LONRF2: variants seen among roughly 807,000 people sequenced by gnomAD.
LONRF2 encodes LON peptidase N-terminal domain and RING finger protein 2.
A neutral mutation model predicts 66.6 loss-of-function variants in LONRF2; 35 were observed. That is an observed-to-expected ratio of 0.53 (90% CI 0.40 to 0.70). The LOEUF (loss-of-function observed/expected upper bound fraction) is 0.70, where lower values mean the gene tolerates loss of function less well. Ranked by LOEUF, LONRF2 falls within the 30% of genes least tolerant of loss-of-function variation. LONRF2 has a pLI of 0.00. For missense variants in LONRF2, 902 were observed against 1,002.1 expected (o/e 0.90, Z 1.35); for synonymous variants, 417 against 418.1 (o/e 1.00, Z 0.03).
intron 9 of LONRF2, among the ~76,000 whole-genome samples, chr2:100,293,361 G>A (rs1286592576): frequency 6.6e-6 from 1 of 152,166 alleles, no homozygotes; most frequent in Admixed American, 6.5e-5. Flanking sequence ...ATTCTGAGTG[G>A]CCCTAAAAAT....
chr2:100,322,226 G>T lies in LONRF2; in HGVS notation c.-133C>A. On this transcript the variant is annotated 5_prime_UTR_variant, in exon 1 of 12. Coordinates refer to ENST00000393437, the MANE Select transcript of LONRF2 (RefSeq NM_198461.4). ...AGCCACGCGCGTCTGGGGGCGGCGCGCTGCGAGCGGCTGAGACCGCGGGCG... is the reference window on the plus strand; with the variant it reads ...AGCCACGCGCGTCTGGGGGCGGCGCTCTGCGAGCGGCTGAGACCGCGGGCG... The T allele has an allele frequency of 2.1e-6, 2 of 940,646 alleles. No individual in the cohort carries two copies. Among genetic ancestry groups the T allele is most frequent in the Non-Finnish European group, 2.7e-6 (2 of 734,370 alleles). 58.3% of individuals were successfully genotyped at this position (940,646 alleles called of 1,614,324 possible).
chr2:100,285,458 C>A (rs1674825516), intron 11 of LONRF2, among the ~76,000 whole-genome samples: 1 of 152,166 alleles, frequency 6.6e-6, no homozygotes, highest in Non-Finnish European at 1.5e-5. Context: ...GGAAGGACCT[C>A]ATATAAAAAT....
At chr2:100,298,794 T>G in intron 7 of LONRF2, 42 bp downstream of exon 7, 270 of 1,427,816 alleles carry the variant, frequency 1.9e-4, no homozygotes, top group Non-Finnish European at 2.4e-4. Flanking sequence ...CACCAAGGGA[T>G]GAGAGGAGGA....
intron 2 of LONRF2, among the ~76,000 whole-genome samples, chr2:100,306,352 C>T (rs888945041): frequency 6.6e-5 from 10 of 152,194 alleles, no homozygotes; most frequent in East Asian, 1.9e-4. Context: ...CTGTCTTATA[C>T]GCACAAAGAA....
intron 10 of LONRF2, among the ~76,000 whole-genome samples, chr2:100,289,590 C>A (rs1182239298): frequency 7.2e-6 from 1 of 138,466 alleles, no homozygotes; most frequent in Non-Finnish European, 1.6e-5. Flanking sequence ...TGCCCGCCAC[C>A]ACACATGGTT....
intron 1 of LONRF2, among the ~76,000 whole-genome samples, chr2:100,314,860 A>G (rs371905225): frequency 1.9e-3 from 287 of 152,314 alleles, no homozygotes; most frequent in African/African-American, 6.7e-3. Context: ...TTTTAAGCCA[A>G]TACAATGCTG....
rs1674758199 is a variant in LONRF2, at chr2:100,282,408, A to G, written c.*1890T>C. ...GCATTGATAACTATTCAGCTGTGAT[A>G]TGAAGGTACAAAAAAATTTTCCAAA... On this transcript the variant is annotated 3_prime_UTR_variant, in exon 12 of 12. Transcript: ENST00000393437. 1 of 152,248 alleles carries G rather than the reference A, an allele frequency of 6.6e-6. No homozygotes were observed. The highest frequency in any genetic ancestry group is 6.5e-5 in the Admixed American group (1 of 15,292). 9.4% of individuals were successfully genotyped at this position (152,248 alleles called of 1,614,324 possible).
At chr2:100,306,128 G>T (rs1675285941) in intron 2 of LONRF2, among the ~76,000 whole-genome samples, 1 of 151,892 alleles carries the variant, frequency 6.6e-6, no homozygotes, top group Admixed American at 6.6e-5. Flanking sequence ...TGGCCAGGCT[G>T]GTCTTGAACT....
intron 1 of LONRF2, among the ~76,000 whole-genome samples, chr2:100,313,330 A>T (rs1675444998): frequency 6.6e-6 from 1 of 152,154 alleles, no homozygotes; most frequent in African/African-American, 2.4e-5. Flanking sequence ...CCCCATCTCT[A>T]CTAAAAGTAA....
intron 3 of LONRF2, 58 bp from the exon 4 acceptor site, chr2:100,300,845 T>C (rs1573118165): frequency 1.5e-6 from 2 of 1,364,220 alleles, no homozygotes; most frequent in Non-Finnish European, 1.9e-6. Flanking sequence ...TGTAAAAATA[T>C]AGTATGTCTT....
rs1674523544 is a variant in LONRF2 at position 100,272,632 on chromosome 2, T to TAC, written c.*11665_*11666insGT. Among the ~76,000 whole-genome samples the TAC allele has an allele frequency of 1.3e-5, 1 of 74,586 alleles. No homozygotes were observed. Among genetic ancestry groups the TAC allele is most frequent in the Non-Finnish European group, 2.9e-5 (1 of 34,120 alleles). 48.9% of individuals were successfully genotyped at this position (74,586 alleles called of 152,430 possible). A position where few individuals can be genotyped will look rare whatever the true frequency, so the allele number is the denominator to read the frequency against. ...AATAAAAATACTTTTCAGTATTTTG[T>TAC]AGAGTGTTATGCTGTTTTAAATATT... On this transcript the variant is annotated 3_prime_UTR_variant, in exon 12 of 12. Coordinates refer to ENST00000393437, the MANE Select transcript of LONRF2 (RefSeq NM_198461.4).
chr2:100,303,127 T>C, intron 2 of LONRF2, 84 bp from the exon 3 acceptor site: 1 of 1,305,312 alleles, frequency 7.7e-7, no homozygotes, highest in South Asian at 1.8e-5. Context: ...AACAAATTTA[T>C]TAGAACAATT....
intron 1 of LONRF2, among the ~76,000 whole-genome samples, chr2:100,321,083 G>A (rs918604272): frequency 2.0e-5 from 3 of 152,160 alleles, no homozygotes; most frequent in South Asian, 2.1e-4. Flanking sequence ...CCTTCAGGAT[G>A]AGCAAAAATA....
intron 1 of LONRF2, among the ~76,000 whole-genome samples, chr2:100,314,776 C>T (rs1439657756): frequency 6.6e-6 from 1 of 151,762 alleles, no homozygotes; most frequent in East Asian, 1.9e-4. Context: ...TGAATTTTTC[C>T]CCATTGAATT....
intron 8 of LONRF2, among the ~76,000 whole-genome samples, chr2:100,294,923 C>T (rs1266486109): frequency 6.6e-6 from 1 of 151,768 alleles, no homozygotes; most frequent in African/African-American, 2.4e-5. Flanking sequence ...ATACAATTTG[C>T]TATTCTTAAG....
At chr2:100,314,094 TA>T (rs1043020857) in intron 1 of LONRF2, among the ~76,000 whole-genome samples, 34 of 152,098 alleles carry the variant, frequency 2.2e-4, no homozygotes, top group Non-Finnish European at 7.4e-5. Flanking sequence ...TTGATGGACA[TA>T]AGCATTCATT....
chr2:100,294,832 T>C (rs1675031586), intron 8 of LONRF2, among the ~76,000 whole-genome samples: 1 of 152,166 alleles, frequency 6.6e-6, no homozygotes, highest in Non-Finnish European at 1.5e-5. Flanking sequence ...GTTCTCATTC[T>C]CTCTACTTTT....
At chr2:100,299,579 C>A in intron 5 of LONRF2, 138 bp downstream of exon 5, 1 of 690,060 alleles carries the variant, frequency 1.4e-6, no homozygotes, top group Non-Finnish European at 2.3e-6. Context: ...ATCTAAAATG[C>A]TCTATAATCT....
chr2:100,300,116 C>T (rs1354375115), intron 4 of LONRF2, among the ~76,000 whole-genome samples, 198 bp from the exon 5 acceptor site: 1 of 151,940 alleles, frequency 6.6e-6, no homozygotes, highest in African/African-American at 2.4e-5. Flanking sequence ...TAATTTCTTC[C>T]TGAGCCAGGG....
Sources: gnomAD v4.1 joint callset for allele counts (sites outside exome capture counted in the v4.1 genomes callset) on GRCh38, gnomAD v4.1.1 for gene constraint, MANE v1.5 for transcripts, NCBI Gene and HGNC (gene_info 2026-07-23, HGNC 2026-07-21) for gene names.